The following MGAT4C variants were observed in gnomAD, a reference collection of about 807,000 sequenced individuals.
MGAT4C encodes the protein MGAT4 family member C.
In MGAT4C, 19 loss-of-function variants were observed where a neutral mutation model predicts 40.1. That is an observed-to-expected ratio of 0.47 (90% CI 0.33 to 0.70). MGAT4C has a LOEUF of 0.70. Among genes scored for constraint, MGAT4C ranks in the 30% least tolerant of loss-of-function variants. The probability of loss-of-function intolerance (pLI) is 0.02; values close to 1 mark genes in which losing one functional copy is unlikely to be tolerated. For synonymous variants in MGAT4C, 181 were observed against 187.1 expected, an observed-to-expected ratio of 0.97 and a Z score of 0.27; for missense variants, 491 against 563.2, an observed-to-expected ratio of 0.87 and a Z score of 1.30.
chr12:86,679,703 C>T (rs1412783034), intron 2 of MGAT4C, among the ~76,000 whole-genome samples: 1 of 152,006 alleles, frequency 6.6e-6, no homozygotes. Context: ...TGTGAGGACA[C>T]AGCAAAAAGC....
intron 2 of MGAT4C, among the ~76,000 whole-genome samples, chr12:86,038,080 A>T (rs1308200822): frequency 1.3e-5 from 2 of 149,680 alleles, no homozygotes; most frequent in African/African-American, 4.9e-5. Flanking sequence ...GGAAGCCCAC[A>T]CTTTTTATTG....
At chr12:86,777,019 C>A (rs1951758527) in intron 1 of MGAT4C, among the ~76,000 whole-genome samples, 1 of 152,106 alleles carries the variant, frequency 6.6e-6, no homozygotes, top group African/African-American at 2.4e-5. Flanking sequence ...TTACCCACTT[C>A]TTCGTGAAAT....
chr12:86,620,592 T>A (rs528756834), intron 2 of MGAT4C, among the ~76,000 whole-genome samples: 40 of 152,182 alleles, frequency 2.6e-4, no homozygotes, highest in African/African-American at 9.2e-4. Flanking sequence ...GGTTAAAAAA[T>A]TACCTATTGG....
intron 2 of MGAT4C, among the ~76,000 whole-genome samples, chr12:86,672,249 C>G (rs1662078465): frequency 6.6e-6 from 1 of 151,942 alleles, no homozygotes; most frequent in African/African-American, 2.4e-5. Context: ...ATAATGGAAA[C>G]ACACATACCA....
At chr12:86,629,765 G>A (rs1394104009) in intron 2 of MGAT4C, among the ~76,000 whole-genome samples, 4 of 151,972 alleles carry the variant, frequency 2.6e-5, no homozygotes, top group African/African-American at 9.7e-5. Flanking sequence ...TGTGTAGAGG[G>A]AAATTTACAA....
chr12:86,295,558 A>G (rs903850216), intron 4 of MGAT4C, among the ~76,000 whole-genome samples: 1 of 152,074 alleles, frequency 6.6e-6, no homozygotes, highest in Non-Finnish European at 1.5e-5. Flanking sequence ...CGAAACAACA[A>G]TGCTTCCACA....
intron 1 of MGAT4C, among the ~76,000 whole-genome samples, chr12:86,199,362 G>A (rs1467106646): frequency 8.3e-6 from 1 of 120,840 alleles, no homozygotes; most frequent in Non-Finnish European, 1.8e-5. Flanking sequence ...AGATGACAAT[G>A]TTAAGGGACA....
At chr12:86,639,747 T>C (rs1416329299) in intron 2 of MGAT4C, among the ~76,000 whole-genome samples, 1 of 151,692 alleles carries the variant, frequency 6.6e-6, no homozygotes, top group Non-Finnish European at 1.5e-5. Context: ...TTAAATGCTG[T>C]ATAATAGATA....
At chr12:86,341,864 G>A (rs760413071) in intron 3 of MGAT4C, among the ~76,000 whole-genome samples, 31 of 152,222 alleles carry the variant, frequency 2.0e-4, no homozygotes, top group Non-Finnish European at 3.8e-4. Flanking sequence ...ATTGCCCTAG[G>A]ACGGCACTCC....
chr12:86,725,497 G>T (rs1228629709), intron 2 of MGAT4C, among the ~76,000 whole-genome samples: 1 of 151,938 alleles, frequency 6.6e-6, no homozygotes, highest in Non-Finnish European at 1.5e-5. Flanking sequence ...GACCTTCTCT[G>T]TCACCCAGGC....
At chr12:85,987,338 C>T (rs1363020286) in intron 3 of MGAT4C, among the ~76,000 whole-genome samples, 2 of 151,070 alleles carry the variant, frequency 1.3e-5, no homozygotes, top group South Asian at 2.1e-4. Flanking sequence ...GGGGTTTCAC[C>T]GTTTTAGCCG....
rs80327835 is a variant in MGAT4C at position 86,438,864 on chromosome 12, T to C, written c.-228-3599A>G. ...GAAACAGAACTTAAAGCAACAAAAG[T>C]AAAAAAAATAAAAAGACAAAGAAGG... On this transcript the variant is annotated intron_variant, in intron 2 of 7. Coordinates refer to the MGAT4C transcript ENST00000548651. Among the ~76,000 whole-genome samples, 986 of 150,428 alleles carry C rather than the reference T, an allele frequency of 6.6e-3. 10 individuals carry two copies. The highest frequency in any genetic ancestry group is 0.023 in the African/African-American group (943 of 41,078).
At chr12:86,816,521 G>T (rs1231688287) in intron 1 of MGAT4C, among the ~76,000 whole-genome samples, 1 of 151,462 alleles carries the variant, frequency 6.6e-6, no homozygotes, top group East Asian at 1.9e-4. Flanking sequence ...ACCTAAACAA[G>T]CTTTAATATG....
intron 1 of MGAT4C, among the ~76,000 whole-genome samples, chr12:86,196,358 T>C (rs1277516350): frequency 6.6e-6 from 1 of 152,172 alleles, no homozygotes; most frequent in Admixed American, 6.5e-5. Context: ...GGTAATAGCG[T>C]CACCTCCCCT....
chr12:86,462,437 A>G (rs1337427698), intron 2 of MGAT4C, among the ~76,000 whole-genome samples: 1 of 152,228 alleles, frequency 6.6e-6, no homozygotes, highest in Admixed American at 6.5e-5. Flanking sequence ...ATTACAAAAC[A>G]TTGACAACAC....
Position 86,760,719 on chromosome 12 carries a change from G to A in MGAT4C, c.-261-33478C>T, listed in dbSNP as rs149429066. On this transcript the variant is annotated intron_variant, in intron 1 of 7. Transcript: ENST00000548651. The stretch of plus-strand genomic sequence containing the variant: ...AAAAGAAAAGGGGAATTCAATTGAA[G>A]TTCCAAAAATGCCCTTAGTTAAAAA... 2.0e-3 allele frequency among the ~76,000 whole-genome samples: 301 copies of A among 152,200 alleles called. 9 individuals are homozygous for A. The East Asian group carries it at 0.051, about 26-fold the overall frequency.
intron 2 of MGAT4C, among the ~76,000 whole-genome samples, chr12:86,550,566 CA>C (rs1356035021): frequency 6.6e-6 from 1 of 152,192 alleles, no homozygotes; most frequent in African/African-American, 2.4e-5. Flanking sequence ...TGCACCTCTC[CA>C]GCACTGGGGC....
At chr12:86,838,755 A>C (rs1402371430) in exon 1 of MGAT4C, 1 of 152,222 alleles carries the variant, frequency 6.6e-6, no homozygotes, top group Non-Finnish European at 1.5e-5. Flanking sequence ...GACTTGATGG[A>C]GAGTTTCATT....
Position 86,289,407 on chromosome 12 carries a change from T to C in MGAT4C, c.-57+44658A>G, listed in dbSNP as rs78108545. Among the ~76,000 whole-genome samples, 13 of 152,268 alleles carry C rather than the reference T, an allele frequency of 8.5e-5. No homozygotes were observed. The East Asian group carries it at 2.1e-3, about 25-fold the overall frequency. ...CCCTTTGGGCTCTTTTTTAGTTCCA[T>C]ATGAGTTGTAATTTTTTTTTTCAAG... is the stretch of plus-strand genomic sequence containing the variant. On this transcript the variant is annotated intron_variant, in intron 4 of 7. Transcript: ENST00000548651.
Sources: allele counts gnomAD v4.1 joint callset (sites outside exome capture counted in the v4.1 genomes callset), GRCh38; gene constraint gnomAD v4.1.1; transcripts MANE v1.5; gene names NCBI Gene and HGNC (gene_info 2026-07-23, HGNC 2026-07-21).